The following FGF12 variants were observed in gnomAD, a reference collection of about 807,000 sequenced individuals.
FGF12 encodes the protein fibroblast growth factor 12B.
Under a neutral mutation model 23.6 loss-of-function variants are expected in FGF12, and 14 were observed. The ratio of observed to expected loss-of-function variants is 0.59; its 90% CI spans 0.39 to 0.93. The LOEUF (loss-of-function observed/expected upper bound fraction) is 0.93, where lower values mean the gene tolerates loss of function less well. Among genes scored for constraint, FGF12 ranks in the 40% least tolerant of loss-of-function variants. The pLI is 0.00. For synonymous variants in FGF12, 62 were observed against 77.3 expected (o/e 0.80, Z 1.04); for missense variants, 175 against 217.8 (o/e 0.80, Z 1.24).
intron 2 of FGF12, among the ~76,000 whole-genome samples, chr3:192,637,187 T>C (rs994987725): frequency 3.3e-5 from 5 of 152,218 alleles, no homozygotes; most frequent in African/African-American, 1.2e-4. Flanking sequence ...GGTTTTATAA[T>C]GACACTTCAG....
intron 2 of FGF12, among the ~76,000 whole-genome samples, chr3:192,366,945 G>A (rs1719012701): frequency 6.6e-6 from 1 of 152,164 alleles, no homozygotes; most frequent in South Asian, 2.1e-4. Context: ...AGAACTTTCT[G>A]TTTATTGTAT....
At chr3:192,712,501 A>AG (rs1011097875) in intron 2 of FGF12, among the ~76,000 whole-genome samples, 2 of 152,044 alleles carry the variant, frequency 1.3e-5, no homozygotes, top group Non-Finnish European at 2.9e-5. Context: ...AAGTTTTCAG[A>AG]GAAAAAAAAA....
Position 192,244,584 on chromosome 3 carries a change from T to C in FGF12, c.229-73928A>G, listed in dbSNP as rs1309306936. ...TTGATAGCCTATAGAAAAGTGGCTA[T>C]AGATAGGCAGAATGAGATTGTTCAA... On this transcript the variant is annotated intron_variant, in intron 4 of 5. Transcript: ENST00000445105. 4.6e-5 allele frequency among the ~76,000 whole-genome samples: 7 copies of C among 152,216 alleles called. No homozygotes were observed. The South Asian group carries it at 8.3e-4, about 18-fold the overall frequency.
chr3:192,172,929 C>T (rs1032478675), intron 4 of FGF12, among the ~76,000 whole-genome samples: 25 of 151,116 alleles, frequency 1.7e-4, no homozygotes, highest in African/African-American at 6.0e-4. Context: ...GATAGTTCTA[C>T]AGAATGCAAC....
At chr3:192,538,842 T>C (rs1365537557) in intron 2 of FGF12, among the ~76,000 whole-genome samples, 1 of 152,204 alleles carries the variant, frequency 6.6e-6, no homozygotes, top group Non-Finnish European at 1.5e-5. Flanking sequence ...GTTTTCATTG[T>C]AGAAATCTTT....
intron 4 of FGF12, among the ~76,000 whole-genome samples, chr3:192,186,436 T>C (rs1337125629): frequency 6.6e-6 from 1 of 152,262 alleles, no homozygotes; most frequent in Non-Finnish European, 1.5e-5. Context: ...TTTATTCTTA[T>C]ATATGTGGTT....
intron 2 of FGF12, among the ~76,000 whole-genome samples, chr3:192,594,507 T>A (rs887813515): frequency 2.0e-5 from 3 of 151,814 alleles, no homozygotes; most frequent in African/African-American, 7.2e-5. Flanking sequence ...GTCTAAAAAA[T>A]CTGCTGCTAT....
Position 192,408,548 on chromosome 3 carries a change from G to A in FGF12, c.14-48010C>T. 1 of 1,161,832 alleles carries A rather than the reference G, an allele frequency of 8.6e-7. No homozygotes were observed. Among genetic ancestry groups the A allele is most frequent in the Non-Finnish European group, 1.1e-6 (1 of 940,582 alleles). 72.0% of individuals were successfully genotyped at this position (1,161,832 alleles called of 1,614,324 possible). ...ACCCCAAGGCGATCGGCGTCCAAGG[G>A]GCAGTGGGGAGTTTAGTCACACTGC... On this transcript the variant is annotated intron_variant, in intron 2 of 5. Coordinates refer to ENST00000445105, the MANE Select transcript of FGF12 (RefSeq NM_004113.6). The surrounding 1 kb of genome is among the most constrained non-coding windows in gnomAD (Gnocchi z 7.3).
chr3:192,246,034 T>C (rs990680746), intron 4 of FGF12, among the ~76,000 whole-genome samples: 1 of 152,192 alleles, frequency 6.6e-6, no homozygotes, highest in Non-Finnish European at 1.5e-5. Flanking sequence ...TGATATCTCA[T>C]CACATTACAA....
At chr3:192,325,527 C>G (rs1716774152) in intron 4 of FGF12, among the ~76,000 whole-genome samples, 1 of 152,130 alleles carries the variant, frequency 6.6e-6, no homozygotes, top group Admixed American at 6.6e-5. Flanking sequence ...TCTGAGACGT[C>G]ACTCACTTGC....
chr3:192,703,786 G>T (rs1718378559), intron 2 of FGF12, among the ~76,000 whole-genome samples: 1 of 152,188 alleles, frequency 6.6e-6, no homozygotes, highest in Admixed American at 6.5e-5. Flanking sequence ...TCTCATTATA[G>T]TGAGAGAGTT....
intron 3 of FGF12, among the ~76,000 whole-genome samples, chr3:192,342,984 G>A (rs1717766778): frequency 6.6e-6 from 1 of 151,776 alleles, no homozygotes; most frequent in Non-Finnish European, 1.5e-5. Flanking sequence ...AGAAGAAGAG[G>A]AAGAGAGGGA....
chr3:192,393,400 T>C (rs1457159377), intron 2 of FGF12, among the ~76,000 whole-genome samples: 1 of 152,220 alleles, frequency 6.6e-6, no homozygotes, highest in Non-Finnish European at 1.5e-5. Flanking sequence ...AGTTTCCTCA[T>C]GTTTGACACA....
intron 2 of FGF12, among the ~76,000 whole-genome samples, chr3:192,443,043 A>G (rs56804761): frequency 0.055 from 8,299 of 152,024 alleles, 746 homozygotes; most frequent in African/African-American, 0.19. Flanking sequence ...TCCTGACCTC[A>G]TGATCCACTT....
rs545752003 is a variant in FGF12, at chr3:192,359,530, A to C, written c.124+898T>G. Among the ~76,000 whole-genome samples the C allele has an allele frequency of 3.3e-5, 5 of 152,312 alleles. No individual in the cohort carries two copies. In the East Asian group the frequency reaches 7.7e-4, roughly 24 times the overall value. On this transcript the variant is annotated intron_variant, in intron 3 of 5. Transcript: ENST00000445105. ...TGAAGACAGACAAACATTAGGAAAC[A>C]ATATGGCACCATACATAATTTTAGA...
At chr3:192,718,604 T>TC (rs1718938254) in intron 2 of FGF12, among the ~76,000 whole-genome samples, 1 of 152,112 alleles carries the variant, frequency 6.6e-6, no homozygotes, top group Non-Finnish European at 1.5e-5. Context: ...GGTCTCCGGA[T>TC]CCCCAAGACA....
chr3:192,487,460 AG>A (rs1723670600), intron 2 of FGF12, among the ~76,000 whole-genome samples: 1 of 152,094 alleles, frequency 6.6e-6, no homozygotes, highest in South Asian at 2.1e-4. Flanking sequence ...CCTAGTGCTT[AG>A]CTTCAGTTCT....
intron 2 of FGF12, among the ~76,000 whole-genome samples, chr3:192,450,234 C>T (rs1260430726): frequency 6.6e-6 from 1 of 152,124 alleles, no homozygotes; most frequent in Non-Finnish European, 1.5e-5. Flanking sequence ...AATAAAATAA[C>T]CTCAGTGTCA....
At chr3:192,530,095 C>T (rs1351276065) in intron 2 of FGF12, among the ~76,000 whole-genome samples, 1 of 152,076 alleles carries the variant, frequency 6.6e-6, no homozygotes, top group Non-Finnish European at 1.5e-5. Context: ...GTACCCTTAA[C>T]CCACTTCTGT....
Sources: allele counts gnomAD v4.1 joint callset (sites outside exome capture counted in the v4.1 genomes callset), GRCh38; gene constraint gnomAD v4.1.1; non-coding constraint Gnocchi (gnomAD v3.1); transcripts MANE v1.5; gene names NCBI Gene and HGNC (gene_info 2026-07-23, HGNC 2026-07-21).